The following THNSL1 variants were observed in gnomAD, a reference collection of about 807,000 sequenced individuals.
The protein encoded by THNSL1 is threonine synthase like 1.
Under a neutral mutation model 50.4 loss-of-function variants are expected in THNSL1, and 48 were observed. That is an observed-to-expected ratio of 0.95 (90% CI 0.76 to 1.21). The LOEUF (loss-of-function observed/expected upper bound fraction) is 1.21. Ranked by LOEUF, THNSL1 falls within the 50% of genes most tolerant of loss-of-function variation. The pLI is 0.00. For missense variants in THNSL1, 896 were observed against 871.7 expected, an observed-to-expected ratio of 1.03 and a Z score of -0.35; for synonymous variants, 309 against 306.1, an observed-to-expected ratio of 1.01 and a Z score of -0.10.
At chr10:24,966,892 A>G in the THNSL1 span, among the ~76,000 whole-genome samples, 1 of 152,232 alleles carries the variant, frequency 6.6e-6, no homozygotes, top group South Asian at 2.1e-4. Context: ...CGCAGACCCT[A>G]GTAAGAACTA....
At chr10:24,976,133 G>A in the THNSL1 span, among the ~76,000 whole-genome samples, 5 of 152,148 alleles carry the variant, frequency 3.3e-5, no homozygotes, top group African/African-American at 1.2e-4. Flanking sequence ...GGGTTAGAAC[G>A]ACTGCTCCTA....
At chr10:24,965,389 C>T in the THNSL1 span, among the ~76,000 whole-genome samples, 1 of 152,330 alleles carries the variant, frequency 6.6e-6, no homozygotes, top group Non-Finnish European at 1.5e-5. Context: ...AGGCCACAGC[C>T]CTCATTGACT....
chr10:24,977,016 G>T, the THNSL1 span, among the ~76,000 whole-genome samples: 26 of 152,114 alleles, frequency 1.7e-4, no homozygotes, highest in Non-Finnish European at 3.2e-4. Context: ...CTTCCATCCA[G>T]AATAAAAACA....
chr10:24,969,656 T>C, the THNSL1 span, among the ~76,000 whole-genome samples: 13,188 of 152,300 alleles, frequency 0.087, 744 homozygotes, highest in South Asian at 0.14. Flanking sequence ...ACTTAAGTGC[T>C]GTCCATAGTT....
chr10:25,017,627 T>A (rs1850633442), intron 1 of THNSL1, among the ~76,000 whole-genome samples: 1 of 152,106 alleles, frequency 6.6e-6, no homozygotes, highest in South Asian at 2.1e-4. Flanking sequence ...TTTTCTTTTT[T>A]TTTTTTTTGT....
chr10:24,978,208 A>C, the THNSL1 span, among the ~76,000 whole-genome samples: 5 of 152,140 alleles, frequency 3.3e-5, no homozygotes, highest in Non-Finnish European at 7.4e-5. Context: ...CATCAAGCAC[A>C]TTATGTAGAA....
the THNSL1 span, among the ~76,000 whole-genome samples, chr10:25,002,959 A>G: frequency 1.3e-5 from 2 of 152,184 alleles, no homozygotes; most frequent in East Asian, 3.9e-4. Context: ...CCTCTTTTAA[A>G]TTTGTAAACC....
the THNSL1 span, among the ~76,000 whole-genome samples, chr10:25,000,600 T>A: frequency 6.6e-6 from 1 of 152,146 alleles, no homozygotes; most frequent in Non-Finnish European, 1.5e-5. Context: ...TGCTCTAGAA[T>A]CTACTCTGTC....
At chr10:25,010,779 A>C in the THNSL1 span, among the ~76,000 whole-genome samples, 3 of 143,460 alleles carry the variant, frequency 2.1e-5, no homozygotes, top group Non-Finnish European at 4.6e-5. Context: ...TGAACTCATC[A>C]TTTTTTATGG....
Position 25,023,958 on chromosome 10 carries a change from G to A in THNSL1, c.735G>A (p.Lys245=), listed in dbSNP as rs1027173876. The change falls in exon 3 of 3, where the codon AAG becomes AAA. Residue 245 remains lysine (K), a synonymous_variant. Transcript: ENST00000376356. ...RHVWPEDCEQ[K]VSAKFFSEAV... ...TTTGGCCTGAAGACTGTGAACAGAAGGTTTCAGCAAAATTCTTTAGTGAAG... is the reference window on the plus strand; with the variant it reads ...TTTGGCCTGAAGACTGTGAACAGAAAGTTTCAGCAAAATTCTTTAGTGAAG... The A allele has an allele frequency of 6.2e-7, 1 of 1,614,052 alleles. No individual in the cohort carries two copies. The highest frequency in any genetic ancestry group is 1.3e-5 in the African/African-American group (1 of 74,942).
chr10:24,982,762 C>T, the THNSL1 span: 1 of 152,140 alleles, frequency 6.6e-6, no homozygotes, highest in South Asian at 2.1e-4. Context: ...ATGTTTCCCT[C>T]TGAAGGCTCT....
chr10:24,998,459 C>T, the THNSL1 span, among the ~76,000 whole-genome samples: 5 of 151,430 alleles, frequency 3.3e-5, no homozygotes, highest in East Asian at 1.9e-4. Context: ...ACTGCAGTTT[C>T]GAACTCTTGG....
the THNSL1 span, among the ~76,000 whole-genome samples, chr10:24,977,446 A>G: frequency 6.6e-6 from 1 of 152,228 alleles, no homozygotes; most frequent in East Asian, 1.9e-4. Context: ...AGCAAAGTAA[A>G]AAATAGTTCC....
At position 25,025,602 on chromosome 10, in the gene THNSL1, C is replaced by G. The variant is rs2132766552; in HGVS notation, c.*147C>G. The G allele has an allele frequency of 5.3e-6, 4 of 747,916 alleles. No individual in the cohort carries two copies. In the South Asian group the frequency reaches 7.9e-5, roughly 15 times the overall value. 46.3% of individuals were successfully genotyped at this position (747,916 alleles called of 1,614,324 possible). ...TCAAAAGTCTGATCTCTAGGGCTGA[C>G]ATGAGAACTCCATGTCACCTCCTCA... On this transcript the variant is annotated 3_prime_UTR_variant, in exon 3 of 3. Coordinates refer to ENST00000376356, the MANE Select transcript of THNSL1 (RefSeq NM_024838.5).
Position 25,026,391 on chromosome 10 carries a change from C to T in THNSL1, c.*936C>T, listed in dbSNP as rs921082239. ...AAGTGAATACAGAAATGATCTATTT[C>T]AAGAGGAAGGTTTTCCAAAATTAAG... is the stretch of plus-strand genomic sequence containing the variant. On this transcript the variant is annotated 3_prime_UTR_variant, in exon 3 of 3. Coordinates refer to ENST00000376356, the MANE Select transcript of THNSL1 (RefSeq NM_024838.5). 1.2e-5 allele frequency: 2 copies of T among 166,958 alleles called. No individual in the cohort carries two copies. The highest frequency in any genetic ancestry group is 4.8e-5 in the African/African-American group (2 of 41,460). The allele number at this position is 166,958 out of a possible 1,614,324, so 10.3% of individuals were successfully genotyped here. A position where few individuals can be genotyped will look rare whatever the true frequency, so the allele number is the denominator to read the frequency against.
At chr10:24,984,540 C>T in the THNSL1 span, 1 of 1,128,130 alleles carries the variant, frequency 8.9e-7, no homozygotes, top group Non-Finnish European at 1.2e-6. Context: ...GAAAACGTGA[C>T]ACTAGTAAAA....
the THNSL1 span, among the ~76,000 whole-genome samples, chr10:24,981,035 T>C: frequency 1.3e-5 from 2 of 152,202 alleles, no homozygotes; most frequent in African/African-American, 4.8e-5. Flanking sequence ...TACCTTTTGA[T>C]TATGATTTAT....
In THNSL1 at chr10:25,025,859, T is replaced by A. The variant is rs1407696073; in HGVS notation, c.*404T>A. 1 of 172,392 alleles carries A rather than the reference T, an allele frequency of 5.8e-6. No individual in the cohort carries two copies. Among genetic ancestry groups the A allele is most frequent in the Non-Finnish European group, 1.4e-5 (1 of 71,748 alleles). The allele number at this position is 172,392 out of a possible 1,614,324, so 10.7% of individuals were successfully genotyped here. ...GTTGATTAGAAAGTTAATTTACCAC[T>A]CAAAATGGCTAACTTGAATGGAGGA... is the stretch of plus-strand genomic sequence containing the variant. On this transcript the variant is annotated 3_prime_UTR_variant, in exon 3 of 3. Coordinates refer to ENST00000376356, the MANE Select transcript of THNSL1 (RefSeq NM_024838.5).
At chr10:24,983,097 C>T in the THNSL1 span, 1 of 152,168 alleles carries the variant, frequency 6.6e-6, no homozygotes, top group Admixed American at 6.6e-5. Flanking sequence ...AACAGAGTCA[C>T]CAGACAAAAG....
Sources: allele counts gnomAD v4.1 joint callset (sites outside exome capture counted in the v4.1 genomes callset), GRCh38; gene constraint gnomAD v4.1.1; transcripts MANE v1.5; gene names NCBI Gene and HGNC (gene_info 2026-07-23, HGNC 2026-07-21).